MCUB: variants seen among roughly 807,000 people sequenced by gnomAD.
The protein encoded by MCUB is mitochondrial calcium uniporter dominant negative subunit beta.
A neutral mutation model predicts 41.4 loss-of-function variants in MCUB; 46 were observed. The observed-to-expected ratio is 1.11, with a 90% CI of 0.88 to 1.42. The LOEUF (loss-of-function observed/expected upper bound fraction) is 1.42, where lower values mean the gene tolerates loss of function less well. MCUB is among the 40% of genes most tolerant of loss of function. MCUB has a pLI of 0.00. For synonymous variants in MCUB, 148 were observed against 148.2 expected (o/e 1.00, Z 0.01); for missense variants, 403 against 404.9 (o/e 1.00, Z 0.04).
intron 1 of MCUB, among the ~76,000 whole-genome samples, chr4:109,616,145 G>C (rs775597083): frequency 6.6e-6 from 1 of 152,354 alleles, no homozygotes; most frequent in South Asian, 2.1e-4. Context: ...CATTTGCAGA[G>C]TGAATAAATG....
In MCUB at chr4:109,560,368, A is replaced by G; in HGVS notation, c.31A>G (p.Thr11Ala). Reference sequence around the variant, plus strand: ...CCAGAGGGGCCTCTGGCCGTGGCGCACGCGGCTGCTGCCGACCCCTGGCAC... The same window carrying G: ...CCAGAGGGGCCTCTGGCCGTGGCGCGCGCGGCTGCTGCCGACCCCTGGCAC... MLQRGLWPWR[T>A]RLLPTPGTWR... Residue 11 changes from threonine (T) to alanine (A), a missense_variant, in exon 1 of 8, where the codon ACG (threonine) becomes GCG (alanine). By Grantham distance (58) the Thr-to-Ala change is moderately conservative (BLOSUM62 0). Transcript: ENST00000394650. 1 of 1,324,574 alleles carries G rather than the reference A, an allele frequency of 7.5e-7. No individual in the cohort carries two copies. 82.1% of individuals were successfully genotyped at this position (1,324,574 alleles called of 1,614,324 possible). A position where few individuals can be genotyped will look rare whatever the true frequency, so the allele number is the denominator to read the frequency against.
At chr4:109,625,786 AAG>A (rs1050281391) in intron 1 of MCUB, among the ~76,000 whole-genome samples, 4 of 152,210 alleles carry the variant, frequency 2.6e-5, no homozygotes, top group African/African-American at 7.2e-5. Context: ...TTTTGGGAGA[AAG>A]AGAGGATACA....
At chr4:109,649,329 A>G (rs1428761139) in intron 1 of MCUB, among the ~76,000 whole-genome samples, 2 of 151,390 alleles carry the variant, frequency 1.3e-5, no homozygotes, top group African/African-American at 4.9e-5. Flanking sequence ...ATACTCCTTT[A>G]TCTCTATTGG....
intron 1 of MCUB, among the ~76,000 whole-genome samples, chr4:109,640,442 T>C (rs1473784438): frequency 6.6e-6 from 1 of 152,230 alleles, no homozygotes; most frequent in Non-Finnish European, 1.5e-5. Flanking sequence ...CAAGGCAGTA[T>C]TGGAATCTGA....
Position 109,615,531 on chromosome 4 carries a change from C to T in MCUB, c.100-43480C>T, listed in dbSNP as rs187909163. On this transcript the variant is annotated intron_variant, in intron 1 of 7. Transcript: ENST00000394650. ...ACGCCATTCTCCTGCCTCAGTCTCC[C>T]AAGTAGCTGGGACTACAGGCATGCA... 5.6e-3 allele frequency among the ~76,000 whole-genome samples: 854 copies of T among 151,918 alleles called. 25 individuals carry two copies. The East Asian group carries it at 0.066, about 12-fold the overall frequency.
At chr4:109,583,124 A>G (rs540653352) in intron 1 of MCUB, among the ~76,000 whole-genome samples, 9 of 152,166 alleles carry the variant, frequency 5.9e-5, no homozygotes, top group Non-Finnish European at 1.2e-4. Context: ...CTTGATGGGT[A>G]TGGCATTGAA....
intron 1 of MCUB, among the ~76,000 whole-genome samples, chr4:109,622,893 A>T (rs1157131735): frequency 6.6e-6 from 1 of 152,242 alleles, no homozygotes; most frequent in Non-Finnish European, 1.5e-5. Flanking sequence ...CCAGCCAGCC[A>T]CGCATCATGC....
At chr4:109,576,963 C>T (rs1727045130) in intron 1 of MCUB, among the ~76,000 whole-genome samples, 2 of 152,132 alleles carry the variant, frequency 1.3e-5, no homozygotes, top group African/African-American at 4.8e-5. Context: ...GTGATCCTCC[C>T]ACCTCAGCCT....
chr4:109,613,461 A>T (rs1414804850), intron 1 of MCUB, among the ~76,000 whole-genome samples: 1 of 152,178 alleles, frequency 6.6e-6, no homozygotes, highest in African/African-American at 2.4e-5. Flanking sequence ...TCAGTTACTT[A>T]TAGGGGAATG....
At chr4:109,686,638 G>A (rs193197819) in intron 7 of MCUB, among the ~76,000 whole-genome samples, 1 of 152,320 alleles carries the variant, frequency 6.6e-6, no homozygotes, top group Non-Finnish European at 1.5e-5. Flanking sequence ...TGATTTGGGA[G>A]GCTGAGGTGG....
At chr4:109,564,652 G>A (rs1726730978) in intron 1 of MCUB, among the ~76,000 whole-genome samples, 1 of 152,204 alleles carries the variant, frequency 6.6e-6, no homozygotes, top group Non-Finnish European at 1.5e-5. Flanking sequence ...AATACTTGTA[G>A]TGAACCTGTA....
chr4:109,598,479 G>A (rs902602475), intron 1 of MCUB, among the ~76,000 whole-genome samples: 34 of 151,946 alleles, frequency 2.2e-4, no homozygotes, highest in South Asian at 1.7e-3. Context: ...GCCTGCAATC[G>A]CAGGCACTCG....
intron 1 of MCUB, among the ~76,000 whole-genome samples, chr4:109,561,256 G>A (rs1239042520): frequency 6.6e-6 from 1 of 152,114 alleles, no homozygotes; most frequent in Non-Finnish European, 1.5e-5. Flanking sequence ...CTGAGTTTTC[G>A]TTTGTTCCTC....
intron 1 of MCUB, among the ~76,000 whole-genome samples, chr4:109,613,333 C>G (rs139019932): frequency 6.6e-6 from 1 of 152,038 alleles, no homozygotes; most frequent in Non-Finnish European, 1.5e-5. Flanking sequence ...TTCTGTAGTC[C>G]GGGAATCCAG....
chr4:109,616,008 A>G (rs1313864949), intron 1 of MCUB, among the ~76,000 whole-genome samples: 1 of 152,180 alleles, frequency 6.6e-6, no homozygotes, highest in Non-Finnish European at 1.5e-5. Context: ...CAACATGGTG[A>G]GTAGTAACTT....
intron 1 of MCUB, among the ~76,000 whole-genome samples, chr4:109,586,962 C>T (rs1434736070): frequency 1.3e-5 from 2 of 152,226 alleles, no homozygotes; most frequent in African/African-American, 2.4e-5. Context: ...GCTCAAACAC[C>T]GTGCTGGGAG....
intron 1 of MCUB, among the ~76,000 whole-genome samples, chr4:109,618,100 C>T (rs1728169620): frequency 1.3e-5 from 2 of 152,310 alleles, no homozygotes; most frequent in African/African-American, 4.8e-5. Flanking sequence ...CAAACCCAAG[C>T]TATACCCAGT....
chr4:109,567,892 T>A (rs903294948), intron 1 of MCUB, among the ~76,000 whole-genome samples: 1 of 151,916 alleles, frequency 6.6e-6, no homozygotes, highest in Non-Finnish European at 1.5e-5. Context: ...AGAGACAGGG[T>A]TTCACTATAT....
At chr4:109,635,586 C>T (rs2126139130) in intron 1 of MCUB, among the ~76,000 whole-genome samples, 1 of 152,326 alleles carries the variant, frequency 6.6e-6, no homozygotes, top group South Asian at 2.1e-4. Flanking sequence ...GCAAATCAGA[C>T]ACCGCCTCCT....
Sources: gnomAD v4.1 joint callset for allele counts (sites outside exome capture counted in the v4.1 genomes callset) on GRCh38, gnomAD v4.1.1 for gene constraint, MANE v1.5 for transcripts, NCBI Gene and HGNC (gene_info 2026-07-23, HGNC 2026-07-21) for gene names.